Variants in SDHA observed in about 807,000 individuals in gnomAD.
The protein encoded by SDHA is succinate dehydrogenase [ubiquinone] flavoprotein subunit, mitochondrial.
SDHA carries 48 observed loss-of-function variants against 78.4 expected under a neutral mutation model. The observed-to-expected ratio is 0.61, with a 90% CI of 0.49 to 0.78. The LOEUF (loss-of-function observed/expected upper bound fraction) is 0.78. Ranked by LOEUF, SDHA falls within the 30% of genes least tolerant of loss-of-function variation. The probability of loss-of-function intolerance (pLI) is 0.00; values close to 1 mark genes in which losing one functional copy is unlikely to be tolerated. For synonymous variants in SDHA, 326 were observed against 353.9 expected (o/e 0.92, Z 0.88); for missense variants, 680 against 892.7 (o/e 0.76, Z 3.04).
At chr5:233,797 A>G (rs1735583950) in intron 8 of SDHA, 152 bp downstream of exon 8, 5 of 735,458 alleles carry the variant, frequency 6.8e-6, no homozygotes, top group African/African-American at 5.3e-5. Flanking sequence ...TTAGTCTGCG[A>G]TATTTTCCTA....
chr5:220,812 T>C (rs1734669557), intron 1 of SDHA, among the ~76,000 whole-genome samples: 1 of 143,344 alleles, frequency 7.0e-6, no homozygotes, highest in Admixed American at 6.8e-5. Context: ...ATGTGTGAAC[T>C]GAATTTTTTT....
intron 8 of SDHA, chr5:234,440 A>C (rs7715101): frequency 0.1 from 14,139 of 141,474 alleles, 2,830 homozygotes; most frequent in African/African-American, 0.37. Context: ...AAAAAAAAAA[A>C]AAAACAGAGA....
rs181278759 is a variant in SDHA at position 225,942 on chromosome 5, A to C, written c.516A>C (p.Ala172=). 1 of 1,613,932 alleles carries C rather than the reference A, an allele frequency of 6.2e-7. No homozygotes were observed. Among genetic ancestry groups the C allele is most frequent in the Non-Finnish European group, 8.5e-7 (1 of 1,180,034 alleles). Residue 172 remains alanine, a synonymous_variant, in exon 5 of 15, where the codon GCA becomes GCC. Coordinates refer to ENST00000264932, the MANE Select transcript of SDHA (RefSeq NM_004168.4). ...RTEDGKIYQR[A]FGGQSLKFGK... is the part of the protein sequence containing the mutation. The stretch of plus-strand genomic sequence containing the variant: ...AAGATGGGAAGATTTATCAGCGTGC[A>C]TTTGGTGGACAGAGCCTCAAGTTTG...
Position 237,297 on chromosome 5 carries a change from T to C in SDHA, c.1432+698T>C, listed in dbSNP as rs1423502613. Among the ~76,000 whole-genome samples, 3 of 135,182 alleles carry C rather than the reference T, an allele frequency of 2.2e-5. 1 individual carries two copies. Among genetic ancestry groups the C allele is most frequent in the African/African-American group, 7.1e-5 (2 of 28,028 alleles). 88.7% of individuals were successfully genotyped at this position (135,182 alleles called of 152,430 possible). On this transcript the variant is annotated intron_variant, in intron 10 of 14. Transcript: ENST00000264932. ...GAATGAATATGTAACTTCTTGGTAC[T>C]TAGAAAAGTAATTTAGGCCATTCTA...
intron 9 of SDHA, chr5:235,868 G>T: frequency 8.0e-6 from 2 of 250,836 alleles, no homozygotes; most frequent in Non-Finnish European, 1.6e-5. Flanking sequence ...GGGACACGGG[G>T]GACAGTCGCA....
chr5:225,368 C>CA (rs761345594), intron 3 of SDHA, 51 bp from the exon 4 acceptor site: 18 of 1,611,610 alleles, frequency 1.1e-5, no homozygotes, highest in Non-Finnish European at 1.4e-5. Context: ...GCCTGGAAGA[C>CA]AAAGTTGGCG....
chr5:236,507 A>G lies in SDHA; in HGVS notation c.1340A>G (p.His447Arg), dbSNP rs779151375. 12 of 1,613,904 alleles carry G rather than the reference A, an allele frequency of 7.4e-6. No individual in the cohort carries two copies. Among genetic ancestry groups the G allele is most frequent in the Admixed American group, 1.7e-5 (1 of 60,002 alleles). Residue 447 changes from histidine (H) to arginine (R), a missense_variant, in exon 10 of 15, where the codon CAT becomes CGT. His to Arg is a conservative substitution (Grantham distance 29). Transcript: ENST00000264932. ...ACGEAACASV[H>R]GANRLGANSL... ...GGGGAGGCCGCCTGTGCCTCGGTAC[A>G]TGGTGCCAACCGCCTCGGGGCAAAC...
intron 5 of SDHA, among the ~76,000 whole-genome samples, chr5:227,160 G>A (rs1463147485): frequency 4.6e-5 from 7 of 151,872 alleles, no homozygotes; most frequent in East Asian, 2.0e-4. Flanking sequence ...ACAGGCGCAC[G>A]CCACCATGCC....
rs1418778005 is a variant in SDHA at position 233,556 on chromosome 5, G to A, written c.975G>A (p.Arg325=). ...GGILINSQGE[R]FMERYAPVAK... Reference sequence around the variant, plus strand: ...TTCTCATTAACAGTCAAGGCGAAAGGTTTATGGAGCGATACGCCCCTGTCG... The same window carrying A: ...TTCTCATTAACAGTCAAGGCGAAAGATTTATGGAGCGATACGCCCCTGTCG... Residue 325 remains arginine, a synonymous_variant, in exon 8 of 15, where the codon AGG becomes AGA. Transcript: ENST00000264932. The A allele has an allele frequency of 6.2e-7, 1 of 1,614,108 alleles. No individual in the cohort carries two copies. Among genetic ancestry groups the A allele is most frequent in the East Asian group, 2.2e-5 (1 of 44,902 alleles).
At chr5:247,715 A>T (rs1040226812) in intron 11 of SDHA, among the ~76,000 whole-genome samples, 4 of 152,254 alleles carry the variant, frequency 2.6e-5, no homozygotes, top group African/African-American at 9.6e-5. Context: ...CATGCCAATC[A>T]GGAGAGTCTT....
intron 5 of SDHA, 165 bp from the exon 6 acceptor site, chr5:228,020 T>A: frequency 1.4e-6 from 1 of 701,972 alleles, no homozygotes; most frequent in Non-Finnish European, 2.5e-6. Flanking sequence ...CGGCGTGGAA[T>A]GCCTCTCGGG....
the SDHA span, among the ~76,000 whole-genome samples, chr5:268,215 A>G: frequency 2.5e-4 from 37 of 147,474 alleles, no homozygotes; most frequent in African/African-American, 8.5e-4. Flanking sequence ...ACGGAGTCTC[A>G]CTCTGTTGCC....
chr5:267,359 C>A, the SDHA span, among the ~76,000 whole-genome samples: 29 of 152,242 alleles, frequency 1.9e-4, no homozygotes, highest in East Asian at 5.6e-3. Context: ...ATTCTGTGTG[C>A]AAATGTCATG....
At chr5:251,866 A>T (rs1219552681) in intron 13 of SDHA, 2 of 378,330 alleles carry the variant, frequency 5.3e-6, no homozygotes, top group African/African-American at 2.5e-5. Flanking sequence ...CACCGTTTCA[A>T]ACCTGCCCTG....
At chr5:230,096 A>G (rs1382170069) in intron 6 of SDHA, among the ~76,000 whole-genome samples, 1 of 152,242 alleles carries the variant, frequency 6.6e-6, no homozygotes, top group Non-Finnish European at 1.5e-5. Flanking sequence ...AGGCGTCTGT[A>G]TCTCCAAAAA....
chr5:234,015 T>C (rs935852857), intron 8 of SDHA: 4 of 304,298 alleles, frequency 1.3e-5, no homozygotes, highest in Non-Finnish European at 2.5e-5. Context: ...TGGCTTTCAG[T>C]AAAACAGTTT....
At chr5:239,040 A>G (rs1735960961) in intron 10 of SDHA, among the ~76,000 whole-genome samples, 1 of 151,444 alleles carries the variant, frequency 6.6e-6, no homozygotes, top group African/African-American at 2.4e-5. Context: ...CAATTTTTAA[A>G]GCATTATTAT....
At chr5:246,919 T>A (rs1424060483) in intron 11 of SDHA, among the ~76,000 whole-genome samples, 91 of 152,214 alleles carry the variant, frequency 6.0e-4, no homozygotes, top group Non-Finnish European at 2.5e-4. Context: ...GCAAGATTTT[T>A]TAAATAGTCT....
rs145266996 is a variant in SDHA, at chr5:230,581, G to T, written c.771-295G>T. ...CCGGAGGTTGCTGTGAGCCGAGATCGCACCACTCTACTCCAGCCTGGTCAA... is the reference window on the plus strand; with the variant it reads ...CCGGAGGTTGCTGTGAGCCGAGATCTCACCACTCTACTCCAGCCTGGTCAA... On this transcript the variant is annotated intron_variant, in intron 6 of 14. Transcript: ENST00000264932. Among the ~76,000 whole-genome samples the T allele has an allele frequency of 7.1e-3, 1,087 of 152,168 alleles. 15 individuals carry two copies. The highest frequency in any genetic ancestry group is 0.026 in the African/African-American group (1,065 of 41,506).
Sources: allele counts gnomAD v4.1 joint callset (sites outside exome capture counted in the v4.1 genomes callset), GRCh38; gene constraint gnomAD v4.1.1; transcripts MANE v1.5; gene names NCBI Gene and HGNC (gene_info 2026-07-23, HGNC 2026-07-21).